GPHN: variants seen among roughly 807,000 people sequenced by gnomAD.
GPHN encodes the protein gephyrin.
GPHN carries 17 observed loss-of-function variants against 95.5 expected under a neutral mutation model. The observed-to-expected ratio is 0.18, with a 90% confidence interval of 0.12 to 0.27. The LOEUF (loss-of-function observed/expected upper bound fraction) is 0.27. Ranked by LOEUF, GPHN falls within the 10% of genes least tolerant of loss-of-function variation. The pLI, the probability that GPHN is intolerant of heterozygous loss-of-function variation, is 1.00. For synonymous variants in GPHN, 320 were observed against 322.5 expected (o/e 0.99, Z 0.08); for missense variants, 660 against 978.1 (o/e 0.67, Z 4.34).
At chr14:67,003,359 A>G (rs895977926) in intron 9 of GPHN, among the ~76,000 whole-genome samples, 5 of 151,738 alleles carry the variant, frequency 3.3e-5, no homozygotes, top group Non-Finnish European at 1.5e-5. Context: ...ACTATTAGTA[A>G]CTGAATTGAG....
chr14:67,459,031 G>C, the GPHN span, among the ~76,000 whole-genome samples: 1 of 152,268 alleles, frequency 6.6e-6, no homozygotes, highest in South Asian at 2.1e-4. Context: ...GGGATTACAG[G>C]CACCCGCCAC....
At chr14:67,693,467 A>G in the GPHN span, among the ~76,000 whole-genome samples, 5 of 151,916 alleles carry the variant, frequency 3.3e-5, no homozygotes, top group Non-Finnish European at 7.4e-5. Context: ...CTAATCCAAT[A>G]CAAAAAGTTA....
the GPHN span, among the ~76,000 whole-genome samples, chr14:67,211,474 A>G: frequency 2.6e-5 from 4 of 152,362 alleles, no homozygotes; most frequent in Non-Finnish European, 5.9e-5. Context: ...TTTTTAATGT[A>G]GTAAAAAATA....
At chr14:66,916,114 A>G in intron 6 of GPHN, 45 bp downstream of exon 6, 2 of 1,301,550 alleles carry the variant, frequency 1.5e-6, no homozygotes, top group African/African-American at 1.5e-5. Flanking sequence ...AGAGCTTTTG[A>G]CCAGCCGTGA....
At chr14:67,395,551 C>T in the GPHN span, 260 of 1,614,104 alleles carry the variant, frequency 1.6e-4, 1 homozygote, top group African/African-American at 2.5e-3. Flanking sequence ...GGAAGTACTC[C>T]GTGGATGTTT....
chr14:67,646,730 TC>T, the GPHN span: 1 of 1,611,216 alleles, frequency 6.2e-7, no homozygotes, highest in Non-Finnish European at 8.5e-7. Flanking sequence ...ACGTGGACCC[TC>T]CTGAACAGTA....
chr14:67,666,031 T>A, the GPHN span, among the ~76,000 whole-genome samples: 3 of 152,204 alleles, frequency 2.0e-5, no homozygotes, highest in African/African-American at 7.2e-5. Context: ...TGGAGCAGTA[T>A]TGTATTATTT....
At chr14:67,674,806 G>T in the GPHN span, 3 of 243,562 alleles carry the variant, frequency 1.2e-5, no homozygotes, top group Non-Finnish European at 2.4e-5. Flanking sequence ...CCGGGTCCGG[G>T]TTGGGGAAAG....
the GPHN span, chr14:67,734,059 GTTC>G: frequency 2.3e-6 from 1 of 439,794 alleles, no homozygotes; most frequent in South Asian, 2.1e-5. Flanking sequence ...CCTATAGAGT[GTTC>G]TTCTCTAAGA....
In GPHN at chr14:66,892,127, G is replaced by C. The variant is rs140243674; in HGVS notation, c.389+12094G>C. 5.3e-3 allele frequency among the ~76,000 whole-genome samples: 801 copies of C among 152,210 alleles called. 8 individuals are homozygous for C. The highest frequency in any genetic ancestry group is 0.018 in the African/African-American group (760 of 41,546). On this transcript the variant is annotated intron_variant, in intron 5 of 22. Transcript: ENST00000478722. ...CCACTTCCAAGTTACATATCCAAAA[G>C]AATTGAAAGCAGGGGCTGGGTGTGG...
the GPHN span, among the ~76,000 whole-genome samples, chr14:67,622,867 G>T: frequency 6.6e-6 from 1 of 152,200 alleles, no homozygotes; most frequent in Non-Finnish European, 1.5e-5. Context: ...ATCAGCTGAG[G>T]CTGCTGAATG....
At chr14:66,807,220 A>G (rs1484656681) in intron 3 of GPHN, among the ~76,000 whole-genome samples, 2 of 152,158 alleles carry the variant, frequency 1.3e-5, no homozygotes, top group African/African-American at 2.4e-5. Flanking sequence ...AGAACAGCAC[A>G]GGAAAATCCT....
chr14:67,281,368 C>A, the GPHN span, among the ~76,000 whole-genome samples: 2 of 152,248 alleles, frequency 1.3e-5, no homozygotes, highest in South Asian at 2.1e-4. Flanking sequence ...ATTTTAATTA[C>A]AGTGAAAGCT....
At chr14:66,683,069 C>T (rs2067039141) in intron 2 of GPHN, among the ~76,000 whole-genome samples, 1 of 151,412 alleles carries the variant, frequency 6.6e-6, no homozygotes, top group South Asian at 2.1e-4. Flanking sequence ...CTCAGTGTAC[C>T]TGTCTTAAAA....
chr14:67,581,982 T>G, the GPHN span: 2 of 1,320,220 alleles, frequency 1.5e-6, no homozygotes, highest in African/African-American at 3.0e-5. Context: ...TTTATCTTTT[T>G]GGAAATAAAG....
chr14:66,733,745 T>C (rs2072010651), intron 2 of GPHN, among the ~76,000 whole-genome samples: 1 of 152,190 alleles, frequency 6.6e-6, no homozygotes, highest in Admixed American at 6.5e-5. Context: ...TTGTATATAA[T>C]TAAGGCTGAA....
the GPHN span, chr14:67,221,715 G>T: frequency 1.3e-6 from 2 of 1,592,248 alleles, no homozygotes; most frequent in Non-Finnish European, 1.7e-6. Flanking sequence ...ATATCTAGTA[G>T]ATCTTTTCTA....
At chr14:66,682,042 A>G (rs2066967118) in intron 2 of GPHN, among the ~76,000 whole-genome samples, 2 of 152,224 alleles carry the variant, frequency 1.3e-5, no homozygotes, top group Admixed American at 1.3e-4. Flanking sequence ...TTTGTGAGGA[A>G]TAAACACAAG....
At chr14:67,336,985 G>GACTT in the GPHN span, among the ~76,000 whole-genome samples, 1 of 152,160 alleles carries the variant, frequency 6.6e-6, no homozygotes, top group Non-Finnish European at 1.5e-5. Context: ...AGACTGCTTA[G>GACTT]ACTTAAATTC....
Sources: gnomAD v4.1 joint callset for allele counts (sites outside exome capture counted in the v4.1 genomes callset) on GRCh38, gnomAD v4.1.1 for gene constraint, MANE v1.5 for transcripts, NCBI Gene and HGNC (gene_info 2026-07-23, HGNC 2026-07-21) for gene names.